The following TUT7 variants were observed in gnomAD, a reference collection of about 807,000 sequenced individuals.
TUT7 encodes terminal uridylyl transferase 7.
Under a neutral mutation model 165.9 loss-of-function variants are expected in TUT7, and 33 were observed. That is an observed-to-expected ratio of 0.20 (90% CI 0.15 to 0.27). The LOEUF (loss-of-function observed/expected upper bound fraction) is 0.27, where lower values mean the gene tolerates loss of function less well. Among genes scored for constraint, TUT7 ranks in the 10% least tolerant of loss-of-function variants. TUT7 has a pLI of 1.00. For missense variants in TUT7, 1,338 were observed against 1,762.3 expected, an observed-to-expected ratio of 0.76 and a Z score of 4.31; for synonymous variants, 552 against 608.1, an observed-to-expected ratio of 0.91 and a Z score of 1.36.
chr9:86,325,196 C>T, intron 12 of TUT7, 138 bp downstream of exon 12: 1 of 744,748 alleles, frequency 1.3e-6, no homozygotes, highest in South Asian at 2.0e-5. Context: ...ATGCAAGATT[C>T]TAACTATTTA....
chr9:86,348,709 G>A (rs770930691), intron 2 of TUT7, among the ~76,000 whole-genome samples: 5 of 152,076 alleles, frequency 3.3e-5, no homozygotes, highest in Admixed American at 6.5e-5. Flanking sequence ...TCATGATTGC[G>A]CCATTGCACT....
rs1166134636 is a variant in TUT7 at position 86,311,715 on chromosome 9, C to A, written c.3275-906G>T. Among the ~76,000 whole-genome samples the A allele has an allele frequency of 6.6e-6, 1 of 151,940 alleles. No homozygotes were observed. Among genetic ancestry groups the A allele is most frequent in the Non-Finnish European group, 1.5e-5 (1 of 68,002 alleles). On this transcript the variant is annotated intron_variant, in intron 17 of 26. Transcript: ENST00000375963. This position sits in a 1 kb window ranked among gnomAD's most constrained non-coding sequence, Gnocchi z 4.4. Reference sequence around the variant, plus strand: ...CTGCCATCTCGGCTCACTGCAACCTCCCTGCCTGATTCTCCTGCCTCAGCC... The same window carrying A: ...CTGCCATCTCGGCTCACTGCAACCTACCTGCCTGATTCTCCTGCCTCAGCC...
intron 7 of TUT7, 129 bp downstream of exon 7, chr9:86,340,873 A>C: frequency 1.5e-6 from 1 of 665,964 alleles, no homozygotes. Flanking sequence ...ATTCATGGGC[A>C]TTTGCTTTGG....
At chr9:86,292,765 C>T (rs1825995143) in intron 26 of TUT7, among the ~76,000 whole-genome samples, 1 of 151,794 alleles carries the variant, frequency 6.6e-6, no homozygotes, top group South Asian at 2.1e-4. Flanking sequence ...CAGAGTGAAA[C>T]CCTTCTCTCT....
chr9:86,334,766 T>C (rs1283108952), intron 10 of TUT7, among the ~76,000 whole-genome samples: 1 of 152,138 alleles, frequency 6.6e-6, no homozygotes, highest in Non-Finnish European at 1.5e-5. Flanking sequence ...ACTTATCTGT[T>C]ATCTTTCCTT....
intron 2 of TUT7, among the ~76,000 whole-genome samples, chr9:86,349,655 A>G (rs1236086815): frequency 6.6e-6 from 1 of 152,180 alleles, no homozygotes; most frequent in Non-Finnish European, 1.5e-5. Flanking sequence ...CACAATTTTG[A>G]TAAAGAAATT....
chr9:86,319,591 G>T lies in TUT7; in HGVS notation c.3108C>A (p.Asp1036Glu), dbSNP rs770698141. The T allele has an allele frequency of 6.3e-7, 1 of 1,599,302 alleles. No individual in the cohort carries two copies. The highest frequency in any genetic ancestry group is 1.1e-5 in the South Asian group (1 of 88,324). Residue 1036 changes from aspartate (D) to glutamate (E), a missense_variant, in exon 15 of 27, where the codon GAC becomes GAA. Physicochemically the swap from Asp to Glu is conservative, Grantham distance 45. Transcript: ENST00000375963. Reference protein sequence around the residue: ...RQNLESFIRQDFPGTKLSLFG... With the variant: ...RQNLESFIRQEFPGTKLSLFG... The stretch of plus-strand genomic sequence containing the variant: ...AAAAAATAAATCATTTACCTGGAAA[G>T]TCCTGTCTTATGAAACTTTCTAGGT...
At chr9:86,310,112 T>C (rs1827899400) in intron 18 of TUT7, 95 bp from the exon 19 acceptor site, 1 of 1,031,658 alleles carries the variant, frequency 9.7e-7, no homozygotes, top group African/African-American at 1.6e-5. Flanking sequence ...GGAGATGGGA[T>C]CTCACTATGT....
At chr9:86,346,900 C>G (rs1831819344) in intron 2 of TUT7, among the ~76,000 whole-genome samples, 1 of 152,106 alleles carries the variant, frequency 6.6e-6, no homozygotes, top group Non-Finnish European at 1.5e-5. Flanking sequence ...CTGTTATTCT[C>G]ATTAAAACCA....
At position 86,352,645 on chromosome 9, in the gene TUT7, CTG is replaced by C. The variant is rs1491409559; in HGVS notation, c.520+33_520+34del. ...GAAAAAGAATAAAACATTGCTGACT[CTG>C]GGGTTGTGATCTGACAAGTTGGAAA... On this transcript the variant is annotated intron_variant, in intron 2 of 26. Transcript: ENST00000375963. 3.1e-6 allele frequency: 5 copies of C among 1,612,094 alleles called. No homozygotes were observed. In the East Asian group the frequency reaches 8.9e-5, roughly 29 times the overall value.
intron 19 of TUT7, 99 bp from the exon 20 acceptor site, chr9:86,309,675 C>G (rs1351063793): frequency 3.7e-6 from 4 of 1,090,504 alleles, no homozygotes; most frequent in Non-Finnish European, 4.0e-6. Flanking sequence ...ATTTTGAGAA[C>G]TAATATAAAA....
rs540234173 is a variant in TUT7 at position 86,330,770 on chromosome 9, T to C, written c.1456-2278A>G. 2.4e-4 allele frequency among the ~76,000 whole-genome samples: 36 copies of C among 152,326 alleles called. No individual in the cohort carries two copies. In the South Asian group the frequency reaches 6.8e-3, roughly 29 times the overall value. ...TTTTTGAGGTGGACCTTTAGGTCAC[T>C]GATTTTAGACCTTTCTTTTTGAATT... On this transcript the variant is annotated intron_variant, in intron 10 of 26. Coordinates refer to ENST00000375963, the MANE Select transcript of TUT7 (RefSeq NM_024617.4).
intron 26 of TUT7, among the ~76,000 whole-genome samples, chr9:86,295,030 CCT>C (rs1826192996): frequency 6.6e-6 from 1 of 151,738 alleles, no homozygotes; most frequent in East Asian, 1.9e-4. Flanking sequence ...GCTTGTTGCC[CCT>C]GTCATTTTTG....
chr9:86,346,608 G>C, intron 2 of TUT7, 128 bp from the exon 3 acceptor site: 1 of 947,588 alleles, frequency 1.1e-6, no homozygotes, highest in Non-Finnish European at 1.6e-6. Context: ...CAGAAGGAAA[G>C]GTAGCTGTCC....
At chr9:86,332,623 A>G (rs562431132) in intron 10 of TUT7, among the ~76,000 whole-genome samples, 2 of 152,318 alleles carry the variant, frequency 1.3e-5, no homozygotes, top group East Asian at 3.9e-4. Context: ...GGGTGATAAA[A>G]TAATCTGTCC....
intron 22 of TUT7, among the ~76,000 whole-genome samples, chr9:86,308,090 C>T (rs970999108): frequency 2.0e-5 from 3 of 152,182 alleles, no homozygotes; most frequent in Non-Finnish European, 2.9e-5. Flanking sequence ...CCATCAATAG[C>T]GAATGAAGAT....
At chr9:86,341,112 A>G (rs1002316975) in intron 6 of TUT7, 59 bp from the exon 7 acceptor site, 23 of 1,435,220 alleles carry the variant, frequency 1.6e-5, no homozygotes, top group African/African-American at 1.3e-4. Context: ...CTTCACTGAT[A>G]TAAGAGTCAT....
intron 26 of TUT7, among the ~76,000 whole-genome samples, chr9:86,297,084 G>T (rs1225704835): frequency 6.6e-6 from 1 of 152,010 alleles, no homozygotes; most frequent in Non-Finnish European, 1.5e-5. Flanking sequence ...TAAATATGTA[G>T]GTTTTTTACT....
intron 22 of TUT7, 75 bp downstream of exon 22, chr9:86,308,354 G>T: frequency 7.3e-7 from 1 of 1,370,854 alleles, no homozygotes; most frequent in Non-Finnish European, 9.9e-7. Flanking sequence ...GAAGAGCTCT[G>T]CAAGGAGGAA....
Sources: gnomAD v4.1 joint callset for allele counts (sites outside exome capture counted in the v4.1 genomes callset) on GRCh38, gnomAD v4.1.1 for gene constraint, Gnocchi (gnomAD v3.1) non-coding constraint, MANE v1.5 for transcripts, NCBI Gene and HGNC (gene_info 2026-07-23, HGNC 2026-07-21) for gene names.